Variants in TPRG1 observed in about 807,000 individuals in gnomAD.
TPRG1 encodes the protein tumor protein p63 regulated 1, also known as tumor protein p63-regulated gene 1 protein.
TPRG1 carries 29 observed loss-of-function variants against 29.3 expected under a neutral mutation model. The observed-to-expected ratio is 0.99, with a 90% confidence interval of 0.74 to 1.35. The LOEUF (loss-of-function observed/expected upper bound fraction) is 1.35. TPRG1 is among the 40% of genes most tolerant of loss of function. TPRG1 has a pLI of 0.00. For synonymous variants in TPRG1, 130 were observed against 116.8 expected (o/e 1.11, Z -0.73); for missense variants, 327 against 335.0 (o/e 0.98, Z 0.19).
intron 4 of TPRG1, among the ~76,000 whole-genome samples, chr3:189,297,086 T>A (rs2109241370): frequency 6.6e-6 from 1 of 152,266 alleles, no homozygotes; most frequent in Middle Eastern, 3.4e-3. Flanking sequence ...GTTCAAGTGA[T>A]TCTGCCACCT....
intron 3 of TPRG1, among the ~76,000 whole-genome samples, chr3:189,013,084 G>C (rs1162677732): frequency 6.6e-6 from 1 of 151,940 alleles, no homozygotes; most frequent in Non-Finnish European, 1.5e-5. Context: ...GTTTGCTCTT[G>C]ATTCACTAGT....
intron 4 of TPRG1, among the ~76,000 whole-genome samples, chr3:189,089,875 A>G (rs898641304): frequency 6.6e-6 from 1 of 152,132 alleles, no homozygotes; most frequent in Non-Finnish European, 1.5e-5. Flanking sequence ...AACTGATAAT[A>G]ATATTTTTTA....
At chr3:189,070,065 G>A (rs1319763394) in intron 4 of TPRG1, among the ~76,000 whole-genome samples, 1 of 152,080 alleles carries the variant, frequency 6.6e-6, no homozygotes, top group African/African-American at 2.4e-5. Flanking sequence ...TGGTGACAGA[G>A]CGAGACTCCA....
chr3:189,312,470 TA>T (rs2109329065), intron 5 of TPRG1, among the ~76,000 whole-genome samples: 1 of 152,298 alleles, frequency 6.6e-6, no homozygotes, highest in South Asian at 2.1e-4. Flanking sequence ...GAATTAGTAG[TA>T]ATTGTACTTT....
chr3:188,998,154 T>TTAAC (rs3058903), intron 1 of TPRG1, among the ~76,000 whole-genome samples: 141,632 of 152,094 alleles, frequency 0.93, 66,773 homozygotes, highest in East Asian at 1. Context: ...GAGCAGACCA[T>TTAAC]AAACAAACAG....
chr3:189,099,745 C>T (rs1718969020), upstream of TPRG1, among the ~76,000 whole-genome samples: 1 of 152,136 alleles, frequency 6.6e-6, no homozygotes, highest in South Asian at 2.1e-4. Flanking sequence ...GGTGCCACCT[C>T]CAGACCCAGA....
chr3:189,312,105 G>C (rs5017282), intron 5 of TPRG1, among the ~76,000 whole-genome samples: 9,001 of 69,476 alleles, frequency 0.13, 1,038 homozygotes, highest in African/African-American at 0.21. Context: ...TTGTTTCTTT[G>C]TTTCTTTCTT....
chr3:189,217,710 CA>C (rs1342716724), intron 3 of TPRG1, among the ~76,000 whole-genome samples: 1 of 152,116 alleles, frequency 6.6e-6, no homozygotes, highest in Non-Finnish European at 1.5e-5. Flanking sequence ...TTGTAAAGAC[CA>C]TGGTTCAGGC....
intron 3 of TPRG1, among the ~76,000 whole-genome samples, chr3:189,010,161 A>G (rs1480177615): frequency 1.3e-5 from 2 of 152,158 alleles, no homozygotes; most frequent in Non-Finnish European, 2.9e-5. Context: ...TCCATGGTGT[A>G]TATGTACCAC....
chr3:189,069,987 A>G (rs1359248910), intron 4 of TPRG1, among the ~76,000 whole-genome samples: 2 of 152,164 alleles, frequency 1.3e-5, no homozygotes, highest in African/African-American at 4.8e-5. Context: ...AGGCTGAGGC[A>G]GGAGAATCGG....
chr3:189,040,057 A>G (rs1007598155), intron 4 of TPRG1, among the ~76,000 whole-genome samples: 4 of 152,144 alleles, frequency 2.6e-5, no homozygotes, highest in African/African-American at 9.7e-5. Flanking sequence ...CTCTTTCTAT[A>G]GAGGCTATGC....
chr3:189,228,228 A>ATT (rs75758840), intron 3 of TPRG1, among the ~76,000 whole-genome samples: 3 of 152,016 alleles, frequency 2.0e-5, no homozygotes, highest in Admixed American at 6.6e-5. Context: ...ATTAATTTAC[A>ATT]TTTTTTTTCC....
intron 4 of TPRG1, among the ~76,000 whole-genome samples, chr3:189,056,609 C>G (rs1027560091): frequency 1.3e-5 from 2 of 152,144 alleles, no homozygotes; most frequent in Non-Finnish European, 2.9e-5. Context: ...TGTACTAATT[C>G]CCCTGCCAGT....
At chr3:189,305,470 G>A (rs1370086842) in intron 4 of TPRG1, among the ~76,000 whole-genome samples, 1 of 152,198 alleles carries the variant, frequency 6.6e-6, no homozygotes, top group Non-Finnish European at 1.5e-5. Flanking sequence ...ATGACTGTGT[G>A]CTTTGCCACT....
At chr3:189,033,921 T>C (rs1260916129) in intron 4 of TPRG1, among the ~76,000 whole-genome samples, 5 of 152,218 alleles carry the variant, frequency 3.3e-5, no homozygotes, top group Non-Finnish European at 7.3e-5. Flanking sequence ...ATTTATGCCA[T>C]AGATTATTAA....
At chr3:189,143,159 TC>T (rs762403700) in intron 3 of TPRG1, among the ~76,000 whole-genome samples, 3 of 133,638 alleles carry the variant, frequency 2.2e-5, no homozygotes, top group Non-Finnish European at 5.0e-5. Flanking sequence ...TTTAGGATCA[TC>T]TTTTTTTTAT....
chr3:189,128,052 A>G (rs993012733), intron 2 of TPRG1, among the ~76,000 whole-genome samples: 2 of 152,220 alleles, frequency 1.3e-5, no homozygotes, highest in Admixed American at 6.5e-5. Context: ...AGCTTAAAAA[A>G]TCTGCACAGT....
At chr3:189,082,350 A>T (rs1219349554) in intron 4 of TPRG1, among the ~76,000 whole-genome samples, 2 of 152,178 alleles carry the variant, frequency 1.3e-5, no homozygotes, top group Admixed American at 6.5e-5. Flanking sequence ...GACAAGATGA[A>T]AGTGTGGAGC....
intron 2 of TPRG1, among the ~76,000 whole-genome samples, chr3:189,127,833 T>G (rs1349776952): frequency 3.3e-5 from 5 of 152,200 alleles, no homozygotes; most frequent in African/African-American, 1.2e-4. Flanking sequence ...TTGTCTTCCC[T>G]CAGACTCAGT....
Sources: gnomAD v4.1 joint callset for allele counts (sites outside exome capture counted in the v4.1 genomes callset) on GRCh38, gnomAD v4.1.1 for gene constraint, MANE v1.5 for transcripts, NCBI Gene and HGNC (gene_info 2026-07-23, HGNC 2026-07-21) for gene names.